AVL9: variants seen among roughly 807,000 people sequenced by gnomAD.
The protein encoded by AVL9 is AVL9 cell migration associated.
A neutral mutation model predicts 79.2 loss-of-function variants in AVL9; 49 were observed. The ratio of observed to expected loss-of-function variants is 0.62; its 90% CI spans 0.49 to 0.79. The LOEUF (loss-of-function observed/expected upper bound fraction) is 0.79, where lower values mean the gene tolerates loss of function less well. Among genes scored for constraint, AVL9 ranks in the 30% least tolerant of loss-of-function variants. The pLI, the probability that AVL9 is intolerant of heterozygous loss-of-function variation, is 0.00. For missense variants in AVL9, 682 were observed against 776.8 expected (o/e 0.88, Z 1.45); for synonymous variants, 299 against 280.6 (o/e 1.07, Z -0.65).
intron 1 of AVL9, among the ~76,000 whole-genome samples, chr7:32,504,017 C>T (rs938364625): frequency 3.9e-5 from 6 of 152,200 alleles, no homozygotes; most frequent in Non-Finnish European, 5.9e-5. Context: ...ACGTCTGCCC[C>T]GTGGCCTTCA....
chr7:32,537,047 T>TG (rs1562772612), intron 1 of AVL9: 1 of 152,180 alleles, frequency 6.6e-6, no homozygotes, highest in Non-Finnish European at 1.5e-5. Flanking sequence ...ACTAAACCAT[T>TG]GGCCATTGGT....
At chr7:32,495,853 C>T (rs1335000470) in intron 1 of AVL9, 51 bp downstream of exon 1, 1 of 1,178,194 alleles carries the variant, frequency 8.5e-7, no homozygotes, top group Non-Finnish European at 1.1e-6. Context: ...TTCGCCCCTT[C>T]CGGGGCCCCC....
intron 1 of AVL9, among the ~76,000 whole-genome samples, chr7:32,531,247 T>A (rs1305760954): frequency 1.3e-5 from 2 of 152,050 alleles, no homozygotes; most frequent in African/African-American, 4.8e-5. Flanking sequence ...CTTTAAGCGG[T>A]AATTATTTAG....
In AVL9 at chr7:32,585,516, G is replaced by A. The variant is rs1791736338; in HGVS notation, c.*1609G>A. 6.6e-6 allele frequency: 1 copy of A among 152,150 alleles called. No individual in the cohort carries two copies. Among genetic ancestry groups the A allele is most frequent in the Non-Finnish European group, 1.5e-5 (1 of 68,044 alleles). The allele number at this position is 152,150 out of a possible 1,614,324, so 9.4% of individuals were successfully genotyped here. A position where few individuals can be genotyped will look rare whatever the true frequency, so the allele number is the denominator to read the frequency against. On this transcript the variant is annotated 3_prime_UTR_variant, in exon 16 of 16. Coordinates refer to ENST00000318709, the MANE Select transcript of AVL9 (RefSeq NM_015060.3). ...GAACAGACTGCCTTTTAGTAACAAG[G>A]GATACTTGGGAAATACATTGTGAGT...
intron 1 of AVL9, among the ~76,000 whole-genome samples, chr7:32,514,263 T>C (rs561074607): frequency 6.6e-6 from 1 of 152,290 alleles, no homozygotes; most frequent in Admixed American, 6.5e-5. Flanking sequence ...ACCTGGACAA[T>C]ACCCAGGCTT....
At chr7:32,498,733 G>A (rs937994102) in intron 1 of AVL9, among the ~76,000 whole-genome samples, 1 of 149,810 alleles carries the variant, frequency 6.7e-6, no homozygotes, top group African/African-American at 2.5e-5. Flanking sequence ...CATTTTAAGT[G>A]ATTTTTTTGA....
rs1020139328 is a variant in AVL9 at position 32,586,416 on chromosome 7, C to G, written c.*2509C>G. The G allele has an allele frequency of 6.6e-6, 1 of 151,766 alleles. No homozygotes were observed. The highest frequency in any genetic ancestry group is 2.4e-5 in the African/African-American group (1 of 41,246). The allele number at this position is 151,766 out of a possible 1,614,324, so 9.4% of individuals were successfully genotyped here. A position where few individuals can be genotyped will look rare whatever the true frequency, so the allele number is the denominator to read the frequency against. On this transcript the variant is annotated 3_prime_UTR_variant, in exon 16 of 16. Coordinates refer to ENST00000318709, the MANE Select transcript of AVL9 (RefSeq NM_015060.3). ...TGTATTGTTGGCAGGGGCCCCAAGG[C>G]AGCTCGCACAATCAAAGGCAGGAAG... is the stretch of plus-strand genomic sequence containing the variant.
chr7:32,502,161 C>T (rs1310442463), intron 1 of AVL9, among the ~76,000 whole-genome samples: 5 of 151,846 alleles, frequency 3.3e-5, no homozygotes, highest in African/African-American at 1.2e-4. Flanking sequence ...CCCAGGAGTT[C>T]GAGACCAGCC....
intron 10 of AVL9, among the ~76,000 whole-genome samples, chr7:32,565,997 T>A (rs975556745): frequency 7.6e-6 from 1 of 132,012 alleles, no homozygotes. Context: ...AAAGGCTGGG[T>A]GTGGTGGCAT....
At chr7:32,508,915 G>C (rs1328826161) in intron 1 of AVL9, among the ~76,000 whole-genome samples, 1 of 152,178 alleles carries the variant, frequency 6.6e-6, no homozygotes, top group Admixed American at 6.5e-5. Context: ...TTCTTCTTAG[G>C]AGAGTCTTGG....
chr7:32,550,007 G>C (rs1484866578), intron 4 of AVL9, among the ~76,000 whole-genome samples: 1 of 151,458 alleles, frequency 6.6e-6, no homozygotes, highest in African/African-American at 2.4e-5. Context: ...TTATTCATCT[G>C]ATTCCTGTAC....
At chr7:32,513,659 C>T (rs545116668) in intron 1 of AVL9, among the ~76,000 whole-genome samples, 6 of 152,240 alleles carry the variant, frequency 3.9e-5, no homozygotes, top group South Asian at 4.1e-4. Context: ...AAGGTGGAGA[C>T]GAGAGACTGA....
chr7:32,516,061 T>C (rs897281121), intron 1 of AVL9, among the ~76,000 whole-genome samples: 2 of 152,068 alleles, frequency 1.3e-5, no homozygotes, highest in Non-Finnish European at 2.9e-5. Context: ...CTCACCCCAT[T>C]TGGGGGTGTT....
At chr7:32,565,362 C>T (rs910561512) in intron 10 of AVL9, among the ~76,000 whole-genome samples, 1 of 151,974 alleles carries the variant, frequency 6.6e-6, no homozygotes, top group African/African-American at 2.4e-5. Context: ...GAGTTTGAGA[C>T]CAGCCTGACC....
rs1176967886 is a variant in AVL9 at position 32,506,212 on chromosome 7, T to TA, written c.93+10413dup. On this transcript the variant is annotated intron_variant, in intron 1 of 15. Transcript: ENST00000318709. Reference sequence around the variant, plus strand: ...TTAATTTTAAAAATTTTAAACTTTTTAAACAAATTTTTTTAAACATTTAGA... The same window carrying TA: ...TTAATTTTAAAAATTTTAAACTTTTTAAAACAAATTTTTTTAAACATTTAGA... Among the ~76,000 whole-genome samples, 25 of 152,306 alleles carry TA rather than the reference T, an allele frequency of 1.6e-4. No homozygotes were observed. In the East Asian group the frequency reaches 4.2e-3, roughly 26 times the overall value.
intron 15 of AVL9, among the ~76,000 whole-genome samples, chr7:32,583,114 C>T (rs1791589705): frequency 6.6e-6 from 1 of 152,186 alleles, no homozygotes; most frequent in East Asian, 1.9e-4. Flanking sequence ...AGTCTAACCA[C>T]TCTTCCCTGT....
chr7:32,521,677 C>G (rs960353525), intron 1 of AVL9, among the ~76,000 whole-genome samples: 2 of 152,216 alleles, frequency 1.3e-5, no homozygotes, highest in African/African-American at 4.8e-5. Context: ...GGGAGAGATT[C>G]AAGCCAGCTG....
intron 1 of AVL9, among the ~76,000 whole-genome samples, chr7:32,524,142 C>A (rs1221505802): frequency 6.6e-6 from 1 of 152,076 alleles, no homozygotes; most frequent in Non-Finnish European, 1.5e-5. Flanking sequence ...AGCCACCACA[C>A]CTGTCAAATT....
intron 4 of AVL9, among the ~76,000 whole-genome samples, chr7:32,550,874 AGT>A (rs1488301164): frequency 6.6e-6 from 1 of 152,228 alleles, no homozygotes; most frequent in East Asian, 1.9e-4. Context: ...CCAGCAAAAA[AGT>A]GTGCAGAATT....
Sources: allele counts gnomAD v4.1 joint callset (sites outside exome capture counted in the v4.1 genomes callset), GRCh38; gene constraint gnomAD v4.1.1; transcripts MANE v1.5; gene names NCBI Gene and HGNC (gene_info 2026-07-23, HGNC 2026-07-21).